The following GALNT9 variants were observed in gnomAD, a reference collection of about 807,000 sequenced individuals.
GALNT9 encodes the protein GalNAc transferase 9.
GALNT9 carries 47 observed loss-of-function variants against 63.1 expected under a neutral mutation model. The observed-to-expected ratio is 0.75, with a 90% CI of 0.59 to 0.95. The LOEUF (loss-of-function observed/expected upper bound fraction) is 0.95, where lower values mean the gene tolerates loss of function less well. Ranked by LOEUF, GALNT9 falls within the 40% of genes least tolerant of loss-of-function variation. GALNT9 has a pLI of 0.00. For synonymous variants in GALNT9, 396 were observed against 365.7 expected, an observed-to-expected ratio of 1.08 and a Z score of -0.94; for missense variants, 829 against 874.8, an observed-to-expected ratio of 0.95 and a Z score of 0.66.
chr12:132,240,879 C>A lies in GALNT9; in HGVS notation c.1077+7031G>T, dbSNP rs1320777854. Among the ~76,000 whole-genome samples, 7 of 141,192 alleles carry A rather than the reference C, an allele frequency of 5.0e-5. 1 individual carries two copies. The highest frequency in any genetic ancestry group is 4.4e-4 in the East Asian group (2 of 4,594). The allele number at this position is 141,192 out of a possible 152,430, so 92.6% of individuals were successfully genotyped here. A position where few individuals can be genotyped will look rare whatever the true frequency, so the allele number is the denominator to read the frequency against. On this transcript the variant is annotated intron_variant, in intron 6 of 10. Transcript: ENST00000328957. ...CCCCTTCCCAGGGCCGTCCCTATAC[C>A]CATTACACACACACCACACACCCTT...
chr12:132,267,795 T>TCACACAGACA (rs1555240327), intron 2 of GALNT9, among the ~76,000 whole-genome samples: 1 of 48,278 alleles, frequency 2.1e-5, no homozygotes, highest in African/African-American at 9.6e-5. Flanking sequence ...ACACACGCAC[T>TCACACAGACA]CACACGCACT....
Position 132,203,640 on chromosome 12 carries a change from G to A in GALNT9, c.1128C>T (p.Ala376=). The change falls in exon 7 of 11, where the codon GCC becomes GCT. Residue 376 remains alanine, a synonymous_variant. Transcript: ENST00000328957. The part of the protein sequence containing the change: ...SMEVLPCSRV[A]HIERTRKPYN... ...AGGGCTTCCTGGTGCGCTCGATGTG[G>A]GCCACGCGGGAGCAGGGCAGCACCT... The A allele has an allele frequency of 6.2e-7, 1 of 1,613,826 alleles. No individual in the cohort carries two copies. The highest frequency in any genetic ancestry group is 1.3e-5 in the African/African-American group (1 of 75,054).
intron 7 of GALNT9, among the ~76,000 whole-genome samples, 182 bp downstream of exon 7, chr12:132,203,323 C>T (rs1229992548): frequency 2.0e-5 from 3 of 152,144 alleles, no homozygotes; most frequent in African/African-American, 4.8e-5. Flanking sequence ...AGGCTCCTTC[C>T]CAGGCAGACA....
In GALNT9 at chr12:132,197,119, G is replaced by A. The variant is rs111344752; in HGVS notation, c.1800C>T (p.His600=). The change falls in exon 11 of 11, where the codon CAC becomes CAT. Residue 600 remains histidine (H), a synonymous_variant. Coordinates refer to ENST00000328957, the MANE Select transcript of GALNT9 (RefSeq NM_001122636.2). ...QKWMIRNWIK[H]ARH ...GGCGGAGGTGGGGTCAGTGCCGTGC[G>A]TGTTTGATCCAGTTTCTGATCATCC... 4,134 of 1,614,138 alleles carry A rather than the reference G, an allele frequency of 2.6e-3. 92 individuals are homozygous for A. The African/African-American group carries it at 0.046, about 18-fold the overall frequency.
At chr12:132,214,824 G>A (rs1011153973) in intron 6 of GALNT9, among the ~76,000 whole-genome samples, 1 of 152,220 alleles carries the variant, frequency 6.6e-6, no homozygotes, top group Non-Finnish European at 1.5e-5. Context: ...TGGAGACCAG[G>A]GCAGGCGGTG....
intron 7 of GALNT9, among the ~76,000 whole-genome samples, chr12:132,202,958 G>A (rs543836463): frequency 2.2e-3 from 337 of 152,156 alleles, no homozygotes; most frequent in African/African-American, 7.2e-3. Context: ...AACCAAAAAC[G>A]TCCATCCACG....
At chr12:132,328,577 C>T (rs1036031611) in intron 1 of GALNT9, among the ~76,000 whole-genome samples, 1 of 152,132 alleles carries the variant, frequency 6.6e-6, no homozygotes, top group Admixed American at 6.5e-5. Context: ...GTGGAGGGGT[C>T]GGCGCAGCCT....
At position 132,227,571 on chromosome 12, in the gene GALNT9, G is replaced by A. The variant is rs933306735; in HGVS notation, c.1077+20339C>T. ...TTTTGTTCTAGTTAACTTATATCCA[G>A]TGCTTTTACATCTAAAACAGCTTTT... On this transcript the variant is annotated intron_variant, in intron 6 of 10. Transcript: ENST00000328957. Among the ~76,000 whole-genome samples the A allele has an allele frequency of 9.4e-3, 1,439 of 152,282 alleles. 22 individuals carry two copies. The highest frequency in any genetic ancestry group is 0.033 in the African/African-American group (1,361 of 41,544).
chr12:132,324,324 G>A (rs980403748), intron 1 of GALNT9, among the ~76,000 whole-genome samples: 13 of 152,190 alleles, frequency 8.5e-5, no homozygotes, highest in Non-Finnish European at 1.6e-4. Flanking sequence ...GAGCCTGTGC[G>A]CCTCCAGCCG....
chr12:132,226,911 C>T (rs1877716478), intron 6 of GALNT9, among the ~76,000 whole-genome samples: 1 of 148,552 alleles, frequency 6.7e-6, no homozygotes. Context: ...CCCACACACA[C>T]CATATACATA....
intron 7 of GALNT9, among the ~76,000 whole-genome samples, chr12:132,201,924 ACT>A (rs67688301): frequency 0.53 from 79,995 of 151,578 alleles, 21,812 homozygotes; most frequent in Non-Finnish European, 0.6. Context: ...AGGGACCAGC[ACT>A]CTCTGACGGA....
Position 132,279,130 on chromosome 12 carries a change from T to G in GALNT9, c.419+7120A>C, listed in dbSNP as rs1880229574. On this transcript the variant is annotated intron_variant, in intron 2 of 10. Coordinates refer to ENST00000328957, the MANE Select transcript of GALNT9 (RefSeq NM_001122636.2). This position sits in a 1 kb window ranked among gnomAD's most constrained non-coding sequence, Gnocchi z 4.1. Reference sequence around the variant, plus strand: ...CTCTGCATTCCCCAGTAACCCAGGTTTCTGCTGGGGCTGCTCCCCAGCTGC... The same window carrying G: ...CTCTGCATTCCCCAGTAACCCAGGTGTCTGCTGGGGCTGCTCCCCAGCTGC... The G allele has an allele frequency of 6.6e-6, 1 of 152,308 alleles. No homozygotes were observed. Among genetic ancestry groups the G allele is most frequent in the Admixed American group, 6.5e-5 (1 of 15,284 alleles). 9.4% of individuals were successfully genotyped at this position (152,308 alleles called of 1,614,324 possible). A position where few individuals can be genotyped will look rare whatever the true frequency, so the allele number is the denominator to read the frequency against.
intron 5 of GALNT9, among the ~76,000 whole-genome samples, chr12:132,249,904 G>A (rs896628290): frequency 2.6e-5 from 4 of 152,218 alleles, no homozygotes; most frequent in Admixed American, 2.6e-4. Flanking sequence ...GCGGGGCACA[G>A]GGGTGCAGGG....
At chr12:132,269,325 C>T (rs1483224027) in intron 2 of GALNT9, among the ~76,000 whole-genome samples, 1 of 152,252 alleles carries the variant, frequency 6.6e-6, no homozygotes, top group African/African-American at 2.4e-5. Context: ...CCCATGCCCC[C>T]CGCGGGAGAA....
intron 2 of GALNT9, among the ~76,000 whole-genome samples, chr12:132,281,083 C>G (rs28564301): frequency 0.03 from 4,628 of 152,316 alleles, 115 homozygotes; most frequent in Middle Eastern, 0.088. Context: ...CAGGGAAAGG[C>G]CAGGCACTGT....
chr12:132,260,845 G>C, intron 4 of GALNT9, 103 bp downstream of exon 4: 3 of 1,413,786 alleles, frequency 2.1e-6, no homozygotes, highest in Non-Finnish European at 2.8e-6. Context: ...TCCCAGCCCC[G>C]GGGCCAACCC....
At chr12:132,309,731 A>C (rs880002315) in intron 1 of GALNT9, among the ~76,000 whole-genome samples, 2 of 152,190 alleles carry the variant, frequency 1.3e-5, no homozygotes, top group Non-Finnish European at 2.9e-5. Context: ...TCCAGAACAG[A>C]GAGAGCGTAA....
At chr12:132,204,145 ACAAT>A (rs915178494) in intron 6 of GALNT9, among the ~76,000 whole-genome samples, 43 of 129,914 alleles carry the variant, frequency 3.3e-4, no homozygotes, top group African/African-American at 1.2e-3. Context: ...CAGAACACAC[ACAAT>A]CAAAAGCCCA....
chr12:132,274,520 C>T (rs1305893340), intron 2 of GALNT9: 2 of 152,286 alleles, frequency 1.3e-5, no homozygotes, highest in Non-Finnish European at 2.9e-5. Context: ...GGCAGGGGTT[C>T]TGGGTGTGGG....
Sources: allele counts gnomAD v4.1 joint callset (sites outside exome capture counted in the v4.1 genomes callset), GRCh38; gene constraint gnomAD v4.1.1; non-coding constraint Gnocchi (gnomAD v3.1); transcripts MANE v1.5; gene names NCBI Gene and HGNC (gene_info 2026-07-23, HGNC 2026-07-21).